SRPK2: variants seen among roughly 807,000 people sequenced by gnomAD.
SRPK2 encodes the protein SFRS protein kinase 2.
A neutral mutation model predicts 90.8 loss-of-function variants in SRPK2; 21 were observed. The ratio of observed to expected loss-of-function variants is 0.23; its 90% CI spans 0.16 to 0.33. The LOEUF (loss-of-function observed/expected upper bound fraction) is 0.33, where lower values mean the gene tolerates loss of function less well. Ranked by LOEUF, SRPK2 falls within the 10% of genes least tolerant of loss-of-function variation. The pLI, the probability that SRPK2 is intolerant of heterozygous loss-of-function variation, is 1.00. For synonymous variants in SRPK2, 288 were observed against 311.1 expected, an observed-to-expected ratio of 0.93 and a Z score of 0.78; for missense variants, 620 against 869.0, an observed-to-expected ratio of 0.71 and a Z score of 3.60.
chr7:105,163,552 T>C (rs2129583994), intron 6 of SRPK2, among the ~76,000 whole-genome samples: 1 of 152,166 alleles, frequency 6.6e-6, no homozygotes, highest in Non-Finnish European at 1.5e-5. Flanking sequence ...CCCAGCACTT[T>C]GGGAAGCTGA....
chr7:105,247,304 C>G (rs1585342969), intron 2 of SRPK2, among the ~76,000 whole-genome samples: 1 of 152,190 alleles, frequency 6.6e-6, no homozygotes, highest in South Asian at 2.1e-4. Flanking sequence ...TATCTCACAG[C>G]CTCACTTTTT....
rs116843615 is a variant in SRPK2 at position 105,224,039 on chromosome 7, G to A, written c.72-20254C>T. 2.8e-3 allele frequency among the ~76,000 whole-genome samples: 427 copies of A among 152,176 alleles called. 11 individuals are homozygous for A. In the East Asian group the frequency reaches 0.055, roughly 20 times the overall value. On this transcript the variant is annotated intron_variant, in intron 2 of 15. Coordinates refer to ENST00000393651, the MANE Select transcript of SRPK2 (RefSeq NM_182692.3). The stretch of plus-strand genomic sequence containing the variant: ...ATTCTGAAACAGAGCTCTAGTTTTA[G>A]TTTATTTCATATGGATAACCAATTG...
chr7:105,248,329 G>A (rs762338489), intron 2 of SRPK2, among the ~76,000 whole-genome samples: 2 of 150,944 alleles, frequency 1.3e-5, no homozygotes, highest in Non-Finnish European at 2.9e-5. Context: ...GGTGGCACAA[G>A]TACTTAATTC....
intron 2 of SRPK2, among the ~76,000 whole-genome samples, chr7:105,357,162 G>C (rs975715266): frequency 6.6e-6 from 1 of 151,452 alleles, no homozygotes; most frequent in East Asian, 1.9e-4. Context: ...TCAGCCTCCC[G>C]GGTAGCTGGG....
chr7:105,189,769 GA>G (rs1794042714), intron 3 of SRPK2: 7 of 152,568 alleles, frequency 4.6e-5, no homozygotes, highest in Non-Finnish European at 8.8e-5. Context: ...TAAAGAAAAG[GA>G]AAAACAAAGA....
In SRPK2 at chr7:105,170,825, GAGAA is replaced by G. The variant is rs146799550; in HGVS notation, c.230-1564_230-1561del. On this transcript the variant is annotated intron_variant, in intron 3 of 15. Coordinates refer to ENST00000393651, the MANE Select transcript of SRPK2 (RefSeq NM_182692.3). ...GGAGGGAGAGAGAGAGGGAGAGAAAGAGAAAGAAAGGAAGAAAGAAAGAAAGAAA... is the reference window on the plus strand; with the variant it reads ...GGAGGGAGAGAGAGAGGGAGAGAAAGAGAAAGGAAGAAAGAAAGAAAGAAA... Among the ~76,000 whole-genome samples the G allele has an allele frequency of 4.3e-3, 448 of 104,246 alleles. 31 individuals carry two copies. The highest frequency in any genetic ancestry group is 0.012 in the African/African-American group (283 of 23,118). The allele number at this position is 104,246 out of a possible 152,430, so 68.4% of individuals were successfully genotyped here.
intron 2 of SRPK2, among the ~76,000 whole-genome samples, chr7:105,324,749 T>C (rs1813369774): frequency 2.0e-5 from 3 of 152,124 alleles, no homozygotes; most frequent in South Asian, 4.1e-4. Flanking sequence ...TAGCCGAATG[T>C]GGTGGTGCAC....
At position 105,388,815 on chromosome 7, in the gene SRPK2, G is replaced by T; in HGVS notation, c.-9C>A. ...CCTTTCCGGGAGCTCATTCCGACGC[G>T]GCGGAAGCGGGGCGGGGGGCTTCGC... is the stretch of plus-strand genomic sequence containing the variant. On this transcript the variant is annotated 5_prime_UTR_variant, in exon 1 of 16. Coordinates refer to ENST00000393651, the MANE Select transcript of SRPK2 (RefSeq NM_182692.3). The T allele has an allele frequency of 1.4e-6, 2 of 1,417,600 alleles. No individual in the cohort carries two copies. The highest frequency in any genetic ancestry group is 1.8e-6 in the Non-Finnish European group (2 of 1,085,176). The allele number at this position is 1,417,600 out of a possible 1,614,324, so 87.8% of individuals were successfully genotyped here.
At chr7:105,258,019 ATTGC>A (rs2129676453) in intron 2 of SRPK2, among the ~76,000 whole-genome samples, 1 of 151,132 alleles carries the variant, frequency 6.6e-6, no homozygotes, top group East Asian at 1.9e-4. Flanking sequence ...AGGCAGGATA[ATTGC>A]TTGAACCTAG....
chr7:105,184,817 A>C (rs909795562), intron 3 of SRPK2, among the ~76,000 whole-genome samples: 1 of 152,166 alleles, frequency 6.6e-6, no homozygotes, highest in African/African-American at 2.4e-5. Flanking sequence ...TTATCCCCTA[A>C]TAAGTCATGT....
intron 2 of SRPK2, among the ~76,000 whole-genome samples, chr7:105,359,505 T>C (rs1397960086): frequency 6.6e-6 from 1 of 152,094 alleles, no homozygotes; most frequent in Admixed American, 6.6e-5. Flanking sequence ...TCCATGCTTA[T>C]CAACTTCACA....
chr7:105,353,547 G>T (rs992067434), intron 2 of SRPK2, among the ~76,000 whole-genome samples: 2 of 129,668 alleles, frequency 1.5e-5, no homozygotes, highest in African/African-American at 5.3e-5. Flanking sequence ...TTGTTGTTTG[G>T]TGGAGACAGG....
rs1439092777 is a variant in SRPK2, at chr7:105,306,510, A to G, written c.71+82138T>C. On this transcript the variant is annotated intron_variant, in intron 2 of 15. Coordinates refer to ENST00000393651, the MANE Select transcript of SRPK2 (RefSeq NM_182692.3). ...AAAAAAAAAACCAACACTTCCTTTG[A>G]AATCTCATGAAGGAAAGCAGTGAGG... 6.6e-6 allele frequency: 3 copies of G among 454,466 alleles called. No homozygotes were observed. In the East Asian group the frequency reaches 2.1e-4, roughly 32 times the overall value. The allele number at this position is 454,466 out of a possible 1,614,324, so 28.2% of individuals were successfully genotyped here.
intron 2 of SRPK2, among the ~76,000 whole-genome samples, chr7:105,379,167 A>G (rs1268976159): frequency 6.6e-6 from 1 of 151,732 alleles, no homozygotes. Context: ...ATATATATAT[A>G]TATATAAAGT....
intron 6 of SRPK2, 92 bp from the exon 7 acceptor site, chr7:105,160,705 A>G (rs1175090555): frequency 2.9e-6 from 2 of 680,530 alleles, no homozygotes; most frequent in African/African-American, 1.8e-5. Context: ...CAAAGCACTT[A>G]TTACTTTATA....
At chr7:105,346,379 C>T (rs1390697987) in intron 2 of SRPK2, among the ~76,000 whole-genome samples, 1 of 152,060 alleles carries the variant, frequency 6.6e-6, no homozygotes, top group East Asian at 1.9e-4. Context: ...TGCTTGTCAC[C>T]TCTGCATGGT....
At chr7:105,260,005 G>C (rs1803978564) in intron 2 of SRPK2, among the ~76,000 whole-genome samples, 1 of 152,086 alleles carries the variant, frequency 6.6e-6, no homozygotes, top group Non-Finnish European at 1.5e-5. Context: ...AACACCAAAA[G>C]CAATGGCAAC....
At chr7:105,115,502 G>A (rs1799567710), downstream of SRPK2, 1 of 152,166 alleles carries the variant, frequency 6.6e-6, no homozygotes, top group African/African-American at 2.4e-5. Context: ...ATTTCACATG[G>A]ACTACAGAAA....
At chr7:105,237,747 C>T (rs1391950081) in intron 2 of SRPK2, among the ~76,000 whole-genome samples, 2 of 152,182 alleles carry the variant, frequency 1.3e-5, no homozygotes, top group African/African-American at 4.8e-5. Flanking sequence ...CATCTGAGTG[C>T]TGTGGTAAAG....
Sources: allele counts gnomAD v4.1 joint callset (sites outside exome capture counted in the v4.1 genomes callset), GRCh38; gene constraint gnomAD v4.1.1; transcripts MANE v1.5; gene names NCBI Gene and HGNC (gene_info 2026-07-23, HGNC 2026-07-21).